Variants in GABRG3 observed in about 807,000 individuals in gnomAD.
The protein encoded by GABRG3 is gamma-aminobutyric acid receptor subunit gamma-3.
A neutral mutation model predicts 48.8 loss-of-function variants in GABRG3; 25 were observed. That is an observed-to-expected ratio of 0.51 (90% confidence interval 0.37 to 0.72). The LOEUF (loss-of-function observed/expected upper bound fraction) is 0.72. Ranked by LOEUF, GABRG3 falls within the 30% of genes least tolerant of loss-of-function variation. The pLI is 0.00. For synonymous variants in GABRG3, 227 were observed against 217.6 expected (o/e 1.04, Z -0.38); for missense variants, 394 against 577.9 (o/e 0.68, Z 3.26).
At chr15:27,531,917 G>A (rs1891432356) in intron 9 of GABRG3, among the ~76,000 whole-genome samples, 1 of 152,154 alleles carries the variant, frequency 6.6e-6, no homozygotes, top group Non-Finnish European at 1.5e-5. Context: ...TTGTAGGTGG[G>A]CACATTTTTG....
chr15:27,122,674 C>T lies in GABRG3; in HGVS notation c.270+95853C>T, dbSNP rs182179603. The stretch of plus-strand genomic sequence containing the variant: ...CCCTGGAGAAGGTCACTGCACTGCT[C>T]GCAAGGCTGGGCTGGCTCCATGGCC... On this transcript the variant is annotated intron_variant, in intron 3 of 9. Transcript: ENST00000615808. Among the ~76,000 whole-genome samples the T allele has an allele frequency of 3.0e-4, 46 of 152,310 alleles. 1 individual carries two copies. The South Asian group carries it at 3.7e-3, about 12-fold the overall frequency.
At chr15:27,488,197 C>T (rs1316050540) in intron 6 of GABRG3, among the ~76,000 whole-genome samples, 2 of 152,154 alleles carry the variant, frequency 1.3e-5, no homozygotes, top group Non-Finnish European at 2.9e-5. Flanking sequence ...GGCTTTTAAG[C>T]ATTGATGTCA....
intron 5 of GABRG3, among the ~76,000 whole-genome samples, chr15:27,477,388 A>G (rs1017848091): frequency 2.0e-5 from 3 of 152,192 alleles, no homozygotes; most frequent in Non-Finnish European, 4.4e-5. Flanking sequence ...TGGAGACGGT[A>G]AAAGGATCAG....
chr15:27,486,590 ACT>A (rs1890225813), intron 6 of GABRG3, among the ~76,000 whole-genome samples: 1 of 152,148 alleles, frequency 6.6e-6, no homozygotes, highest in Non-Finnish European at 1.5e-5. Context: ...GAGCTCCAGC[ACT>A]AGAGTCAGAC....
intron 3 of GABRG3, among the ~76,000 whole-genome samples, chr15:27,083,691 A>G (rs1339742136): frequency 6.6e-6 from 1 of 152,136 alleles, no homozygotes; most frequent in African/African-American, 2.4e-5. Flanking sequence ...AATGGCCAAA[A>G]AACCATGGCC....
rs185913323 is a variant in GABRG3, at chr15:27,058,852, C to G, written c.270+32031C>G. On this transcript the variant is annotated intron_variant, in intron 3 of 9. Coordinates refer to ENST00000615808, the MANE Select transcript of GABRG3 (RefSeq NM_033223.5). The stretch of plus-strand genomic sequence containing the variant: ...TAAAGTAAAATTGCTTCTTAACTAT[C>G]TTTGTGTTGCTATAGTACATATTTC... 1.8e-3 allele frequency among the ~76,000 whole-genome samples: 272 copies of G among 152,274 alleles called. 2 individuals carry two copies. The highest frequency in any genetic ancestry group is 4.1e-3 in the Admixed American group (62 of 15,300).
chr15:27,344,285 A>G (rs560486030), intron 5 of GABRG3, among the ~76,000 whole-genome samples: 4 of 152,352 alleles, frequency 2.6e-5, no homozygotes, highest in African/African-American at 9.6e-5. Context: ...GTTTAAAGGA[A>G]GGATTTCCTT....
intron 3 of GABRG3, among the ~76,000 whole-genome samples, chr15:27,276,640 T>G (rs534067371): frequency 1.2e-4 from 19 of 152,210 alleles, no homozygotes; most frequent in African/African-American, 4.3e-4. Context: ...CTTTTTTTTT[T>G]AAGGAATTTT....
intron 8 of GABRG3, 116 bp downstream of exon 8, chr15:27,527,745 A>G: frequency 8.9e-7 from 1 of 1,121,144 alleles, no homozygotes; most frequent in East Asian, 2.6e-5. Flanking sequence ...ACAAATACCC[A>G]GTTCAACAAG....
intron 3 of GABRG3, among the ~76,000 whole-genome samples, chr15:27,279,648 C>T (rs906797052): frequency 1.1e-4 from 16 of 152,150 alleles, no homozygotes; most frequent in Non-Finnish European, 1.6e-4. Flanking sequence ...TAGTACCACA[C>T]GGTCTTGATT....
intron 3 of GABRG3, among the ~76,000 whole-genome samples, chr15:27,218,873 A>T (rs1595593321): frequency 6.6e-6 from 1 of 152,138 alleles, no homozygotes; most frequent in African/African-American, 2.4e-5. Context: ...CTCTGCATCC[A>T]TTCACATTCA....
rs532988769 is a variant in GABRG3 at position 27,191,163 on chromosome 15, G to A, written c.271-135646G>A. 2.0e-4 allele frequency among the ~76,000 whole-genome samples: 31 copies of A among 152,156 alleles called. No homozygotes were observed. The South Asian group carries it at 6.4e-3, about 32-fold the overall frequency. On this transcript the variant is annotated intron_variant, in intron 3 of 9. Transcript: ENST00000615808. The stretch of plus-strand genomic sequence containing the variant: ...TACTTCCAAGTATGTGGTCAATTTT[G>A]GAATAGGTGTGTGGTGCTGAAAAAA...
chr15:27,343,958 G>GA (rs367631699), intron 5 of GABRG3, among the ~76,000 whole-genome samples: 152,057 of 152,270 alleles, frequency 1, 75,922 homozygotes, highest in Middle Eastern at 1. Flanking sequence ...CCAGGATCTG[G>GA]AAAAAATCAG....
rs1411310584 is a variant in GABRG3, at chr15:26,971,372, C to T, written c.-164C>T. On this transcript the variant is annotated 5_prime_UTR_variant, in exon 1 of 10. Transcript: ENST00000615808. ...TCCCGTGTGCGTCCAGTGTGCGCCCCGCGGGGGCGCGGCCAGCGCCAGAGT... is the reference window on the plus strand; with the variant it reads ...TCCCGTGTGCGTCCAGTGTGCGCCCTGCGGGGGCGCGGCCAGCGCCAGAGT... The T allele has an allele frequency of 2.3e-6, 1 of 431,232 alleles. No individual in the cohort carries two copies. The highest frequency in any genetic ancestry group is 1.0e-4 in the South Asian group (1 of 9,734). The allele number at this position is 431,232 out of a possible 1,614,324, so 26.7% of individuals were successfully genotyped here. A position where few individuals can be genotyped will look rare whatever the true frequency, so the allele number is the denominator to read the frequency against.
At chr15:27,070,423 C>G (rs979613310) in intron 3 of GABRG3, among the ~76,000 whole-genome samples, 12 of 152,276 alleles carry the variant, frequency 7.9e-5, no homozygotes, top group African/African-American at 2.9e-4. Context: ...CCAGGCTTCC[C>G]TCCTCTGTTC....
At position 27,035,070 on chromosome 15, in the gene GABRG3, G is replaced by A. The variant is rs76005107; in HGVS notation, c.270+8249G>A. ...AGACGCCTCTGAGAGTTCATAGGCC[G>A]TCCATCTGGAAGATGAAAGGACCAC... On this transcript the variant is annotated intron_variant, in intron 3 of 9. Coordinates refer to ENST00000615808, the MANE Select transcript of GABRG3 (RefSeq NM_033223.5). Among the ~76,000 whole-genome samples, 45 of 152,236 alleles carry A rather than the reference G, an allele frequency of 3.0e-4. No individual in the cohort carries two copies. The East Asian group carries it at 7.5e-3, about 26-fold the overall frequency.
intron 2 of GABRG3, among the ~76,000 whole-genome samples, chr15:27,022,422 T>C (rs1201731589): frequency 1.3e-5 from 2 of 152,050 alleles, no homozygotes; most frequent in Non-Finnish European, 2.9e-5. Context: ...CAGGGCCAAA[T>C]AAGGAACTAT....
At chr15:27,341,635 C>T (rs28972214) in intron 5 of GABRG3, among the ~76,000 whole-genome samples, 13,814 of 152,164 alleles carry the variant, frequency 0.091, 945 homozygotes, top group Non-Finnish European at 0.14. Flanking sequence ...GCCCCTATCA[C>T]GCAGGGGGCA....
At chr15:27,089,822 T>A (rs1897154635) in intron 3 of GABRG3, among the ~76,000 whole-genome samples, 1 of 152,248 alleles carries the variant, frequency 6.6e-6, no homozygotes, top group African/African-American at 2.4e-5. Context: ...GACTGGCTTC[T>A]TTCACTCAGC....
Sources: gnomAD v4.1 joint callset for allele counts (sites outside exome capture counted in the v4.1 genomes callset) on GRCh38, gnomAD v4.1.1 for gene constraint, MANE v1.5 for transcripts, NCBI Gene and HGNC (gene_info 2026-07-23, HGNC 2026-07-21) for gene names.